PURG: variants seen among roughly 807,000 people sequenced by gnomAD.
PURG encodes purine rich element binding protein G.
In PURG, 3 loss-of-function variants were observed where a neutral mutation model predicts 24.3. The observed-to-expected ratio is 0.12, with a 90% CI of 0.06 to 0.32. PURG has a LOEUF of 0.32. PURG is among the 10% of genes least tolerant of loss of function. The pLI is 1.00. For synonymous variants in PURG, 180 were observed against 173.1 expected (o/e 1.04, Z -0.31); for missense variants, 371 against 439.1 (o/e 0.84, Z 1.39).
intron 1 of PURG, among the ~76,000 whole-genome samples, chr8:31,024,986 A>G (rs1328333358): frequency 6.6e-6 from 1 of 152,080 alleles, no homozygotes; most frequent in African/African-American, 2.4e-5. Flanking sequence ...CTGCTACTTA[A>G]TCAGAAATAA....
At chr8:31,029,818 C>G (rs963181981), downstream of PURG, among the ~76,000 whole-genome samples, 3 of 151,814 alleles carry the variant, frequency 2.0e-5, no homozygotes, top group African/African-American at 7.2e-5. Context: ...TTTAGCAAGC[C>G]TACATAGTTA....
chr8:31,002,784 G>A (rs577214677), intron 1 of PURG, among the ~76,000 whole-genome samples: 24 of 152,118 alleles, frequency 1.6e-4, no homozygotes, highest in Admixed American at 1.2e-3. Flanking sequence ...GTGCCCGGCC[G>A]AGATCTCTTT....
intron 1 of PURG, among the ~76,000 whole-genome samples, chr8:31,012,346 T>C (rs1482657514): frequency 1.3e-5 from 2 of 152,080 alleles, no homozygotes; most frequent in Non-Finnish European, 2.9e-5. Flanking sequence ...ATTATATATA[T>C]AATATATCAT....
chr8:30,998,281 G>C (rs1810467018), intron 1 of PURG, among the ~76,000 whole-genome samples: 3 of 151,752 alleles, frequency 2.0e-5, no homozygotes, highest in Admixed American at 2.0e-4. Context: ...TTTCTGTTAA[G>C]TTACAATAGT....
chr8:31,007,683 C>CTG (rs1810680374), intron 1 of PURG, among the ~76,000 whole-genome samples: 2 of 151,896 alleles, frequency 1.3e-5, no homozygotes, highest in Non-Finnish European at 2.9e-5. Flanking sequence ...GTCATATTAC[C>CTG]CCCAAAGACA....
chr8:31,013,363 A>T (rs951744623), intron 1 of PURG, among the ~76,000 whole-genome samples: 1 of 152,228 alleles, frequency 6.6e-6, no homozygotes, highest in African/African-American at 2.4e-5. Flanking sequence ...GTTTAATATA[A>T]TAATTGATAT....
At chr8:30,996,953 T>A (rs781490329) in intron 1 of PURG, among the ~76,000 whole-genome samples, 1 of 151,626 alleles carries the variant, frequency 6.6e-6, no homozygotes, top group Non-Finnish European at 1.5e-5. Context: ...AAAATATAAT[T>A]TTACTCACCA....
At chr8:31,028,170 G>A (rs1811125141), downstream of PURG, among the ~76,000 whole-genome samples, 1 of 151,664 alleles carries the variant, frequency 6.6e-6, no homozygotes, top group South Asian at 2.1e-4. Flanking sequence ...TAAGAATTTG[G>A]GTTAGAAATA....
intron 1 of PURG, among the ~76,000 whole-genome samples, chr8:31,007,921 A>G (rs565574510): frequency 6.6e-6 from 1 of 152,182 alleles, no homozygotes; most frequent in Non-Finnish European, 1.5e-5. Context: ...TGGATAGTTT[A>G]TTCATTTTCT....
intron 1 of PURG, among the ~76,000 whole-genome samples, chr8:31,016,454 T>C (rs1271751561): frequency 6.6e-6 from 1 of 151,222 alleles, no homozygotes; most frequent in Non-Finnish European, 1.5e-5. Context: ...GAGCCCTGGA[T>C]ACTACTTATT....
chr8:31,015,695 C>T (rs1186920992), intron 1 of PURG, among the ~76,000 whole-genome samples: 2 of 152,042 alleles, frequency 1.3e-5, no homozygotes, highest in Admixed American at 6.6e-5. Flanking sequence ...AGAAAGCTGG[C>T]CAATATGATA....
chr8:31,013,872 G>A (rs977401667), intron 1 of PURG, among the ~76,000 whole-genome samples: 22 of 152,274 alleles, frequency 1.4e-4, no homozygotes, highest in Admixed American at 1.3e-3. Context: ...TGATTTTGGG[G>A]TGGTATGATG....
intron 1 of PURG, among the ~76,000 whole-genome samples, chr8:31,015,183 G>T (rs987521772): frequency 6.6e-6 from 1 of 152,160 alleles, no homozygotes; most frequent in African/African-American, 2.4e-5. Context: ...ATGGGGAGTT[G>T]TTCAATGGAT....
intron 1 of PURG, among the ~76,000 whole-genome samples, chr8:31,004,070 C>T (rs1378067478): frequency 6.6e-6 from 1 of 152,190 alleles, no homozygotes; most frequent in Non-Finnish European, 1.5e-5. Context: ...TACTATGGCT[C>T]CCCAGAATCA....
chr8:31,010,856 TTC>T, intron 1 of PURG, among the ~76,000 whole-genome samples: 1 of 152,294 alleles, frequency 6.6e-6, no homozygotes, highest in African/African-American at 2.4e-5. Context: ...AAATTACACA[TTC>T]TTTTTATATT....
At position 31,032,330 on chromosome 8, in the gene PURG, C is replaced by T. The variant is rs146203905; in HGVS notation, c.453G>A (p.Lys151=). The part of the protein sequence containing the change: ...SKEQGSRRRQ[K]HSAPSPPVSV... ...AGACTGGTGGGGAGGGTGCCGAGTG[C>T]TTCTGCCTCCTTCTGGAGCCTTGCT... is the stretch of plus-strand genomic sequence containing the variant. Residue 151 remains lysine, a synonymous_variant, in exon 2 of 2, where the codon AAG becomes AAA. Coordinates refer to ENST00000523392, the MANE Select transcript of PURG (RefSeq NM_001323311.2). This position sits in a 1 kb window ranked among gnomAD's most constrained non-coding sequence, Gnocchi z 5.9. The T allele has an allele frequency of 2.5e-6, 4 of 1,612,956 alleles. No individual in the cohort carries two copies. Among genetic ancestry groups the T allele is most frequent in the Non-Finnish European group, 3.4e-6 (4 of 1,180,010 alleles).
intron 1 of PURG, among the ~76,000 whole-genome samples, chr8:31,003,378 T>G (rs1810577421): frequency 1.5e-5 from 2 of 133,794 alleles, no homozygotes; most frequent in Admixed American, 8.0e-5. Context: ...TTATTTCTTT[T>G]GGGTACCATT....
chr8:31,029,865 T>TTTA (rs1443301841), downstream of PURG, among the ~76,000 whole-genome samples: 1 of 152,040 alleles, frequency 6.6e-6, no homozygotes, highest in East Asian at 1.9e-4. Flanking sequence ...CCTTGCTACT[T>TTTA]TTAGAGTCTC....
chr8:31,013,577 A>T (rs1159810962), intron 1 of PURG, among the ~76,000 whole-genome samples: 1 of 152,136 alleles, frequency 6.6e-6, no homozygotes, highest in African/African-American at 2.4e-5. Context: ...GTCTCTACTA[A>T]AAACACAAAA....
Sources: gnomAD v4.1 joint callset for allele counts (sites outside exome capture counted in the v4.1 genomes callset) on GRCh38, gnomAD v4.1.1 for gene constraint, Gnocchi (gnomAD v3.1) non-coding constraint, MANE v1.5 for transcripts, NCBI Gene and HGNC (gene_info 2026-07-23, HGNC 2026-07-21) for gene names.